Variants in KCNAB1 observed in about 807,000 individuals in gnomAD.
KCNAB1 encodes the protein potassium voltage-gated channel subfamily A regulatory beta subunit 1.
KCNAB1 carries 35 observed loss-of-function variants against 64.6 expected under a neutral mutation model. That is an observed-to-expected ratio of 0.54 (90% CI 0.41 to 0.72). The LOEUF (loss-of-function observed/expected upper bound fraction) is 0.72. Among genes scored for constraint, KCNAB1 ranks in the 30% least tolerant of loss-of-function variants. KCNAB1 has a pLI of 0.00. For synonymous variants in KCNAB1, 177 were observed against 183.8 expected (o/e 0.96, Z 0.30); for missense variants, 401 against 512.9 (o/e 0.78, Z 2.11).
chr3:156,388,115 C>G (rs1712748637), intron 1 of KCNAB1, among the ~76,000 whole-genome samples: 1 of 152,094 alleles, frequency 6.6e-6, no homozygotes, highest in Admixed American at 6.5e-5. Context: ...TCATGAAGAC[C>G]AAGGGAGGCA....
chr3:156,452,684 T>C lies in KCNAB1; in HGVS notation c.320-215T>C, dbSNP rs1712097237. ...CTTTCAGTAAAGAAACAGCAGCCCT[T>C]TCTCCAGAGGGATACAGACCCCTTC... On this transcript the variant is annotated intron_variant, in intron 2 of 13. Transcript: ENST00000490337. The surrounding 1 kb of genome is among the most constrained non-coding windows in gnomAD (Gnocchi z 4.6). 6.6e-6 allele frequency among the ~76,000 whole-genome samples: 1 copy of C among 152,144 alleles called. No homozygotes were observed. The highest frequency in any genetic ancestry group is 1.5e-5 in the Non-Finnish European group (1 of 68,024).
intron 8 of KCNAB1, among the ~76,000 whole-genome samples, chr3:156,475,959 G>A (rs567704319): frequency 1.3e-4 from 20 of 152,038 alleles, no homozygotes; most frequent in African/African-American, 4.6e-4. Flanking sequence ...TCTTGAATCC[G>A]GGTAAAATTA....
chr3:156,200,604 A>G (rs1466602743), intron 1 of KCNAB1, among the ~76,000 whole-genome samples: 1 of 152,184 alleles, frequency 6.6e-6, no homozygotes. Context: ...CAAGGGCTTA[A>G]CACTGTGAGG....
intron 1 of KCNAB1, among the ~76,000 whole-genome samples, chr3:156,158,142 G>A (rs1402675053): frequency 2.1e-5 from 3 of 140,128 alleles, no homozygotes; most frequent in Non-Finnish European, 3.0e-5. Flanking sequence ...TCCAGCCTGG[G>A]TGACAGAGCG....
intron 2 of KCNAB1, among the ~76,000 whole-genome samples, chr3:156,439,029 CA>C (rs34019255): frequency 3.4e-4 from 50 of 148,968 alleles, no homozygotes; most frequent in East Asian, 1.2e-3. Context: ...AAACAAAAAA[CA>C]AAAAAAAAAA....
rs1350353976 is a variant in KCNAB1, at chr3:156,457,229, C to T, written c.358-224C>T. 18 of 1,336,854 alleles carry T rather than the reference C, an allele frequency of 1.3e-5. 1 individual carries two copies. The South Asian group carries it at 2.9e-4, about 22-fold the overall frequency. The allele number at this position is 1,336,854 out of a possible 1,614,324, so 82.8% of individuals were successfully genotyped here. ...TATCCACTTTGGGCAGGCTAAATCC[C>T]AGCCTTCAAGTAACCCCTCAGTGCC... On this transcript the variant is annotated intron_variant, in intron 3 of 13. Coordinates refer to ENST00000490337, the MANE Select transcript of KCNAB1 (RefSeq NM_172160.3).
chr3:156,358,994 G>A (rs776600871), intron 1 of KCNAB1, among the ~76,000 whole-genome samples: 1 of 151,972 alleles, frequency 6.6e-6, no homozygotes, highest in Non-Finnish European at 1.5e-5. Flanking sequence ...AGTGCACAAG[G>A]GACTGAATGT....
chr3:156,312,023 G>A (rs536115951), intron 1 of KCNAB1, among the ~76,000 whole-genome samples: 18 of 152,198 alleles, frequency 1.2e-4, no homozygotes, highest in South Asian at 8.3e-4. Flanking sequence ...GTTACTTTTC[G>A]TTCTCCTGTT....
rs548052515 is a variant in KCNAB1, at chr3:156,218,844, TA to T, written c.275+97966del. On this transcript the variant is annotated intron_variant, in intron 1 of 13. Coordinates refer to ENST00000490337, the MANE Select transcript of KCNAB1 (RefSeq NM_172160.3). The stretch of plus-strand genomic sequence containing the variant: ...ATAAAAATAAATAAATAAATAAATA[TA>T]AAAAAAATAAAATAAAAATCACTGC... 5.8e-3 allele frequency among the ~76,000 whole-genome samples: 790 copies of T among 136,060 alleles called. 10 individuals are homozygous for T. Among genetic ancestry groups the T allele is most frequent in the African/African-American group, 0.02 (727 of 36,844 alleles). 89.3% of individuals were successfully genotyped at this position (136,060 alleles called of 152,430 possible).
At chr3:156,165,359 AC>A (rs1560115892) in intron 1 of KCNAB1, among the ~76,000 whole-genome samples, 1 of 151,972 alleles carries the variant, frequency 6.6e-6, no homozygotes, top group Non-Finnish European at 1.5e-5. Context: ...ATAAACAGAA[AC>A]GGAGTGGTGA....
intron 1 of KCNAB1, among the ~76,000 whole-genome samples, chr3:156,243,881 C>T (rs924310957): frequency 6.6e-6 from 1 of 152,200 alleles, no homozygotes; most frequent in East Asian, 1.9e-4. Context: ...AGCCTCCCCT[C>T]CCAACTACTG....
intron 1 of KCNAB1, among the ~76,000 whole-genome samples, chr3:156,398,268 C>T (rs1713615198): frequency 6.6e-6 from 1 of 152,046 alleles, no homozygotes; most frequent in Non-Finnish European, 1.5e-5. Context: ...AGCACTAGGA[C>T]AAATACCTAA....
At chr3:156,482,552 T>G (rs1046489600) in intron 8 of KCNAB1, among the ~76,000 whole-genome samples, 35 of 151,388 alleles carry the variant, frequency 2.3e-4, no homozygotes, top group Middle Eastern at 3.4e-3. Flanking sequence ...TGGTGGGCAG[T>G]GGGGAGGGGG....
At chr3:156,370,223 A>C (rs145220348) in intron 1 of KCNAB1, among the ~76,000 whole-genome samples, 1 of 152,344 alleles carries the variant, frequency 6.6e-6, no homozygotes, top group Non-Finnish European at 1.5e-5. Flanking sequence ...TGATGTCAGC[A>C]CTAAAACATA....
chr3:156,121,514 A>G (rs570206808), intron 1 of KCNAB1, among the ~76,000 whole-genome samples: 3 of 152,350 alleles, frequency 2.0e-5, no homozygotes, highest in Admixed American at 1.3e-4. Flanking sequence ...CTCAGCTTCA[A>G]ATAAAGCAGA....
chr3:156,475,424 C>T (rs776246327), intron 8 of KCNAB1, among the ~76,000 whole-genome samples: 2 of 152,116 alleles, frequency 1.3e-5, no homozygotes, highest in Non-Finnish European at 2.9e-5. Flanking sequence ...AGATTTTCTT[C>T]GATTTACATT....
At chr3:156,271,055 C>T (rs148703565) in intron 1 of KCNAB1, among the ~76,000 whole-genome samples, 95 of 152,336 alleles carry the variant, frequency 6.2e-4, no homozygotes, top group African/African-American at 2.2e-3. Flanking sequence ...TGCTGCTAGA[C>T]ATATTGGAGC....
At chr3:156,420,652 C>T (rs1715406319) in intron 1 of KCNAB1, among the ~76,000 whole-genome samples, 1 of 152,172 alleles carries the variant, frequency 6.6e-6, no homozygotes, top group Non-Finnish European at 1.5e-5. Flanking sequence ...TAAGGGTGCA[C>T]TTTTCTACAA....
chr3:156,460,105 G>T (rs1013220147), intron 5 of KCNAB1: 6 of 448,056 alleles, frequency 1.3e-5, no homozygotes, highest in Non-Finnish European at 1.6e-5. Flanking sequence ...AGCAGAGAAG[G>T]GGGGGATGTT....
Sources: allele counts gnomAD v4.1 joint callset (sites outside exome capture counted in the v4.1 genomes callset), GRCh38; gene constraint gnomAD v4.1.1; non-coding constraint Gnocchi (gnomAD v3.1); transcripts MANE v1.5; gene names NCBI Gene and HGNC (gene_info 2026-07-23, HGNC 2026-07-21).